Variants in TNS1 observed in about 807,000 individuals in gnomAD.
The protein encoded by TNS1 is tensin 1, also known as tensin-1.
A neutral mutation model predicts 168.6 loss-of-function variants in TNS1; 62 were observed. The ratio of observed to expected loss-of-function variants is 0.37; its 90% CI spans 0.30 to 0.45. The LOEUF is 0.45. Ranked by LOEUF, TNS1 falls within the 20% of genes least tolerant of loss-of-function variation. The pLI, the probability that TNS1 is intolerant of heterozygous loss-of-function variation, is 1.00. For missense variants in TNS1, 2,240 were observed against 2,339.4 expected, an observed-to-expected ratio of 0.96 and a Z score of 0.88; for synonymous variants, 934 against 933.2, an observed-to-expected ratio of 1.00 and a Z score of -0.02.
chr2:217,916,218 G>A (rs1026877157), intron 4 of TNS1, among the ~76,000 whole-genome samples: 1 of 152,116 alleles, frequency 6.6e-6, no homozygotes, highest in African/African-American at 2.4e-5. Flanking sequence ...GCCTCCTCGG[G>A]CTCCCATGGT....
Position 217,848,324 on chromosome 2 carries a change from G to A in TNS1, c.2193C>T (p.Thr731=), listed in dbSNP as rs759875832. 5 of 1,536,768 alleles carry A rather than the reference G, an allele frequency of 3.3e-6. No homozygotes were observed. The African/African-American group carries it at 5.5e-5, about 17-fold the overall frequency. Residue 731 remains threonine, a synonymous_variant, in exon 19 of 33, where the codon ACC becomes ACT. Coordinates refer to ENST00000682258, the MANE Select transcript of TNS1 (RefSeq NM_001387777.1). The part of the protein sequence containing the change: ...PHPAWPQPVT[T]SHYAHDPSGM... ...CGCTGGGGTCATGGGCATAGTGGGA[G>A]GTGGTCACTGGCTGTGGCCAGGCTG...
chr2:217,900,779 C>G (rs1184461049), intron 6 of TNS1, among the ~76,000 whole-genome samples: 6 of 152,226 alleles, frequency 3.9e-5, no homozygotes, highest in Non-Finnish European at 8.8e-5. Context: ...CCCCACTGGG[C>G]TGGTGCCATC....
At chr2:218,026,762 C>T (rs2106013698) in intron 1 of TNS1, among the ~76,000 whole-genome samples, 1 of 152,386 alleles carries the variant, frequency 6.6e-6, no homozygotes, top group East Asian at 1.9e-4. Context: ...CTCTTCCCTC[C>T]TCTCCTTCCC....
rs768623481 is a variant in TNS1 at position 217,848,704 on chromosome 2, C to T, written c.1813G>A (p.Val605Ile). 6.8e-6 allele frequency: 11 copies of T among 1,614,080 alleles called. No individual in the cohort carries two copies. The highest frequency in any genetic ancestry group is 4.0e-5 in the African/African-American group (3 of 74,940). ...GSAVPSSGRH[V>I]VPAQVHVNGG... is the part of the protein sequence containing the mutation. ...TTGACATGAACCTGGGCTGGGACAA[C>T]GTGGCGTCCAGAGGAGGGCACAGCC... The change falls in exon 19 of 33, where the codon GTT becomes ATT. Residue 605 changes from valine (V) to isoleucine (I), a missense_variant. Coordinates refer to ENST00000682258, the MANE Select transcript of TNS1 (RefSeq NM_001387777.1).
chr2:217,870,697 T>A (rs1177618539), intron 18 of TNS1, among the ~76,000 whole-genome samples: 1 of 152,198 alleles, frequency 6.6e-6, no homozygotes, highest in South Asian at 2.1e-4. Context: ...CTGCACCCGA[T>A]GGCAGAGATT....
chr2:217,893,153 G>A, intron 10 of TNS1, 141 bp from the exon 11 acceptor site: 1 of 1,114,930 alleles, frequency 9.0e-7, no homozygotes, highest in Non-Finnish European at 1.3e-6. Context: ...GAGGAAGGGG[G>A]CCTCAGGGGA....
intron 3 of TNS1, among the ~76,000 whole-genome samples, chr2:217,973,606 G>T (rs577006355): frequency 6.6e-6 from 1 of 152,256 alleles, no homozygotes; most frequent in African/African-American, 2.4e-5. Flanking sequence ...TTTCACGCTT[G>T]TTCTCTCTCC....
chr2:217,921,867 A>C (rs765741359), intron 3 of TNS1, among the ~76,000 whole-genome samples: 1 of 152,206 alleles, frequency 6.6e-6, no homozygotes, highest in Non-Finnish European at 1.5e-5. Flanking sequence ...TACTATTGTT[A>C]TTCCCACAGT....
chr2:217,897,800 G>C lies in TNS1; in HGVS notation c.541C>G (p.Leu181Val). 2 of 1,597,798 alleles carry C rather than the reference G, an allele frequency of 1.3e-6. No homozygotes were observed. Among genetic ancestry groups the C allele is most frequent in the African/African-American group, 2.7e-5 (2 of 74,830 alleles). ...MLKSKHGGNY[L>V]LFNLSERRPD... ...TGGGCACGAGGATCCATCCTCACCA[G>C]GTAGTTGCCTCCATGTTTGGACTTG... Residue 181 changes from leucine (L) to valine (V), a missense_variant and splice_region_variant, in exon 8 of 33, where the codon CTG becomes GTG. Leu to Val is a conservative substitution (Grantham distance 32). This residue lies in a region of TNS1 where 2,131 missense variants were observed against 2,171.2 expected (regional missense o/e 0.98). Transcript: ENST00000682258.
At chr2:217,835,901 G>C in intron 20 of TNS1, 114 bp downstream of exon 20, 1 of 925,000 alleles carries the variant, frequency 1.1e-6, no homozygotes, top group South Asian at 1.8e-5. Context: ...GACGTAGGGG[G>C]AGACAAATCA....
intron 3 of TNS1, chr2:217,937,061 A>G (rs1956646823): frequency 2.2e-6 from 1 of 455,884 alleles, no homozygotes; most frequent in Non-Finnish European, 4.4e-6. Flanking sequence ...CTCCTTGCCA[A>G]ACTTCAAAAT....
At chr2:217,860,757 C>A (rs3791953) in intron 18 of TNS1, among the ~76,000 whole-genome samples, 21,394 of 152,198 alleles carry the variant, frequency 0.14, 1,621 homozygotes, top group East Asian at 0.2. Context: ...AAAATACATA[C>A]CTTTTTTTCC....
At chr2:217,964,420 G>A (rs890614067) in intron 3 of TNS1, among the ~76,000 whole-genome samples, 1 of 152,110 alleles carries the variant, frequency 6.6e-6, no homozygotes, top group Non-Finnish European at 1.5e-5. Flanking sequence ...CTCTCCCCAG[G>A]CCTCTCCCTA....
chr2:217,813,444 C>T lies in TNS1; in HGVS notation c.4862-137G>A, dbSNP rs975036820. On this transcript the variant is annotated intron_variant, in intron 26 of 32. Transcript: ENST00000682258. The surrounding 1 kb of genome is among the most constrained non-coding windows in gnomAD (Gnocchi z 4.0). ...GACTGAAGAGAGAACGTGGCTGGAGCCCCATGGACTGCAGAGCCCACTGCT... is the reference window on the plus strand; with the variant it reads ...GACTGAAGAGAGAACGTGGCTGGAGTCCCATGGACTGCAGAGCCCACTGCT... The T allele has an allele frequency of 2.9e-5, 26 of 910,176 alleles. No individual in the cohort carries two copies. The Admixed American group carries it at 4.2e-4, about 15-fold the overall frequency. The allele number at this position is 910,176 out of a possible 1,614,324, so 56.4% of individuals were successfully genotyped here.
intron 3 of TNS1, among the ~76,000 whole-genome samples, chr2:217,942,410 C>G (rs541859821): frequency 2.7e-4 from 41 of 152,338 alleles, no homozygotes; most frequent in South Asian, 8.3e-4. Context: ...GTCTCTCCCC[C>G]CAACCTCTCC....
Position 217,804,177 on chromosome 2 carries a change from G to A in TNS1, c.*282C>T. The A allele has an allele frequency of 5.5e-6, 2 of 366,844 alleles. No individual in the cohort carries two copies. The highest frequency in any genetic ancestry group is 8.9e-5 in the South Asian group (2 of 22,480). The allele number at this position is 366,844 out of a possible 1,614,324, so 22.7% of individuals were successfully genotyped here. ...TTAGGGGAGGGAGGGGGTGTTAGGT[G>A]GACCTGGTTAGTTTTGGAGGCTTTG... On this transcript the variant is annotated 3_prime_UTR_variant, in exon 33 of 33. Coordinates refer to ENST00000682258, the MANE Select transcript of TNS1 (RefSeq NM_001387777.1).
chr2:217,946,969 T>TCTCACACACACACA (rs1553618866), intron 3 of TNS1, among the ~76,000 whole-genome samples: 1 of 118,812 alleles, frequency 8.4e-6, no homozygotes, highest in African/African-American at 4.1e-5. Context: ...TCTCTCTCTC[T>TCTCACACACACACA]CACACACACA....
chr2:217,953,523 G>T (rs1957290026), intron 3 of TNS1, among the ~76,000 whole-genome samples: 1 of 152,186 alleles, frequency 6.6e-6, no homozygotes, highest in African/African-American at 2.4e-5. Context: ...CCAAGTACTT[G>T]GTGGTGGTTG....
chr2:217,916,942 C>T (rs10201814), intron 4 of TNS1, among the ~76,000 whole-genome samples: 4,726 of 152,244 alleles, frequency 0.031, 268 homozygotes, highest in African/African-American at 0.11. Flanking sequence ...AGCAGCCTAC[C>T]GAGGCTGAAG....
Sources: gnomAD v4.1 joint callset for allele counts (sites outside exome capture counted in the v4.1 genomes callset) on GRCh38, gnomAD v4.1.1 for gene constraint, gnomAD v4.1.1 regional missense constraint, Gnocchi (gnomAD v3.1) non-coding constraint, MANE v1.5 for transcripts, NCBI Gene and HGNC (gene_info 2026-07-23, HGNC 2026-07-21) for gene names.